RAB37: variants seen among roughly 807,000 people sequenced by gnomAD.
RAB37 encodes the protein RAB37, member RAS oncogene family, also known as ras-related protein Rab-37.
RAB37 carries 29 observed loss-of-function variants against 33.1 expected under a neutral mutation model. The ratio of observed to expected loss-of-function variants is 0.88; its 90% CI spans 0.65 to 1.20. The LOEUF is 1.20. Among genes scored for constraint, RAB37 ranks in the 50% most tolerant of loss-of-function variants. The probability of loss-of-function intolerance (pLI) is 0.00; values close to 1 mark genes in which losing one functional copy is unlikely to be tolerated. For missense variants in RAB37, 299 were observed against 301.1 expected (o/e 0.99, Z 0.05); for synonymous variants, 128 against 119.5 (o/e 1.07, Z -0.47).
chr17:74,711,847 T>C (rs2033985151), intron 1 of RAB37, among the ~76,000 whole-genome samples: 1 of 152,162 alleles, frequency 6.6e-6, no homozygotes, highest in South Asian at 2.1e-4. Context: ...TACTTATCAC[T>C]TCTCACTTCT....
chr17:74,707,878 GA>G (rs1034971912), intron 1 of RAB37, among the ~76,000 whole-genome samples: 2 of 151,944 alleles, frequency 1.3e-5, no homozygotes, highest in African/African-American at 4.8e-5. Context: ...CAAATTCCTA[GA>G]AAAAAATTAT....
In RAB37 at chr17:74,671,512, G is replaced by T. The variant is rs1839377778; in HGVS notation, c.-75G>T. 3 of 1,427,058 alleles carry T rather than the reference G, an allele frequency of 2.1e-6. No homozygotes were observed. Among genetic ancestry groups the T allele is most frequent in the South Asian group, 2.3e-5 (2 of 86,802 alleles). 88.4% of individuals were successfully genotyped at this position (1,427,058 alleles called of 1,614,324 possible). ...CAGACCCAAGCCTGCCGCACCCAGCGGAGCTCGAACCGAGCTCCTGGAAGC... is the reference window on the plus strand; with the variant it reads ...CAGACCCAAGCCTGCCGCACCCAGCTGAGCTCGAACCGAGCTCCTGGAAGC... On this transcript the variant is annotated 5_prime_UTR_variant, in exon 1 of 8. Coordinates refer to the RAB37 transcript ENST00000340415. This position sits in a 1 kb window ranked among gnomAD's most constrained non-coding sequence, Gnocchi z 5.0.
intron 1 of RAB37, among the ~76,000 whole-genome samples, chr17:74,679,799 G>A (rs2031915251): frequency 6.6e-6 from 1 of 151,992 alleles, no homozygotes; most frequent in African/African-American, 2.4e-5. Context: ...CCAACATGGT[G>A]AAACCCTGTC....
intron 1 of RAB37, among the ~76,000 whole-genome samples, chr17:74,716,297 T>A (rs2034164360): frequency 6.6e-6 from 1 of 152,152 alleles, no homozygotes. Flanking sequence ...TGTATGTATG[T>A]GTGTGTGTGC....
intron 1 of RAB37, among the ~76,000 whole-genome samples, chr17:74,723,412 C>T (rs1218148491): frequency 2.7e-5 from 4 of 146,916 alleles, no homozygotes; most frequent in African/African-American, 1.0e-4. Context: ...TCTTGAACTG[C>T]CTTCTCGTAC....
At chr17:74,735,041 G>GAA (rs1232996669), upstream of RAB37, among the ~76,000 whole-genome samples, 1 of 133,282 alleles carries the variant, frequency 7.5e-6, no homozygotes, top group African/African-American at 2.8e-5. Context: ...AAGAAAGAAA[G>GAA]AAAGAAAGAA....
chr17:74,697,035 G>T (rs898958355), intron 1 of RAB37, among the ~76,000 whole-genome samples: 3 of 152,122 alleles, frequency 2.0e-5, no homozygotes, highest in African/African-American at 7.2e-5. Flanking sequence ...TCCACCTCCT[G>T]GGTTCAAGCG....
chr17:74,677,408 T>TC (rs908555330), intron 1 of RAB37: 9 of 152,048 alleles, frequency 5.9e-5, no homozygotes, highest in African/African-American at 2.2e-4. Context: ...TATTTTTTTT[T>TC]CGATGAAACA....
At position 74,744,537 on chromosome 17, in the gene RAB37, G is replaced by GC; in HGVS notation, c.432+168dup. 1 of 687,312 alleles carries GC rather than the reference G, an allele frequency of 1.5e-6. No homozygotes were observed. The allele number at this position is 687,312 out of a possible 1,614,324, so 42.6% of individuals were successfully genotyped here. On this transcript the variant is annotated intron_variant, in intron 6 of 8. Coordinates refer to ENST00000392613, the MANE Select transcript of RAB37 (RefSeq NM_001006638.3). The surrounding 1 kb of genome is among the most constrained non-coding windows in gnomAD (Gnocchi z 4.2). The stretch of plus-strand genomic sequence containing the variant: ...CTGGAGGCTTCTGCCCATCCCATCT[G>GC]CCCCTTCCAGGGAAAGTCCAAGTTG...
chr17:74,742,239 CT>C lies in RAB37; in HGVS notation c.205-10del. 1 of 1,612,762 alleles carries C rather than the reference CT, an allele frequency of 6.2e-7. No homozygotes were observed. The stretch of plus-strand genomic sequence containing the variant: ...TGACTCCTGCCCTCCCATCCTCTGC[CT>C]TTTTCTCTTTCAGAACAAGGTGGTG... On this transcript the variant is annotated splice_polypyrimidine_tract_variant and intron_variant, in intron 2 of 8. Coordinates refer to ENST00000392613, the MANE Select transcript of RAB37 (RefSeq NM_001006638.3). This position sits in a 1 kb window ranked among gnomAD's most constrained non-coding sequence, Gnocchi z 4.0.
chr17:74,721,420 A>G (rs2034238193), intron 1 of RAB37, among the ~76,000 whole-genome samples: 1 of 149,298 alleles, frequency 6.7e-6, no homozygotes, highest in Admixed American at 6.7e-5. Flanking sequence ...CCTTATACAC[A>G]TATCTTGGTT....
chr17:74,689,770 G>A (rs2032125142), intron 1 of RAB37, among the ~76,000 whole-genome samples: 1 of 152,172 alleles, frequency 6.6e-6, no homozygotes, highest in Non-Finnish European at 1.5e-5. Context: ...TTTTCAAGAT[G>A]TCAAGCAAAG....
chr17:74,678,755 C>T (rs1378864824), intron 1 of RAB37, among the ~76,000 whole-genome samples: 3 of 152,096 alleles, frequency 2.0e-5, no homozygotes, highest in Non-Finnish European at 4.4e-5. Context: ...GAGCTGTGGG[C>T]AGGGCCAGTG....
intron 1 of RAB37, chr17:74,704,667 G>C: frequency 6.2e-7 from 1 of 1,614,152 alleles, no homozygotes; most frequent in Non-Finnish European, 8.5e-7. Flanking sequence ...GTTTTAACAA[G>C]GATCTTGCAG....
intron 1 of RAB37, among the ~76,000 whole-genome samples, chr17:74,690,223 G>A (rs981081606): frequency 2.6e-5 from 4 of 152,098 alleles, no homozygotes; most frequent in Non-Finnish European, 5.9e-5. Context: ...GCTTCCCAAA[G>A]TGCTGAGATT....
upstream of RAB37, among the ~76,000 whole-genome samples, chr17:74,733,483 G>GT (rs2034420059): frequency 1.2e-5 from 1 of 83,730 alleles, no homozygotes. Flanking sequence ...TGTGGTGTGA[G>GT]GTGTGTGGTG....
upstream of RAB37, chr17:74,736,892 G>T: frequency 6.7e-7 from 1 of 1,490,912 alleles, no homozygotes; most frequent in Non-Finnish European, 8.9e-7. Context: ...GGGCTCGGGC[G>T]CCGCCTGCTG....
chr17:74,745,533 C>T lies in RAB37; in HGVS notation c.*122C>T, dbSNP rs2034741119. The T allele has an allele frequency of 1.1e-5, 8 of 744,792 alleles. No individual in the cohort carries two copies. The highest frequency in any genetic ancestry group is 3.4e-5 in the South Asian group (2 of 59,656). 46.1% of individuals were successfully genotyped at this position (744,792 alleles called of 1,614,324 possible). A position where few individuals can be genotyped will look rare whatever the true frequency, so the allele number is the denominator to read the frequency against. Reference sequence around the variant, plus strand: ...AAAGATGGAGGACTCACTGCACAGCCGCTTCCTAGCAGGGAGCTATACTCC... The same window carrying T: ...AAAGATGGAGGACTCACTGCACAGCTGCTTCCTAGCAGGGAGCTATACTCC... On this transcript the variant is annotated 3_prime_UTR_variant, in exon 9 of 9. Coordinates refer to ENST00000392613, the MANE Select transcript of RAB37 (RefSeq NM_001006638.3). This position sits in a 1 kb window ranked among gnomAD's most constrained non-coding sequence, Gnocchi z 4.5.
intron 1 of RAB37, among the ~76,000 whole-genome samples, chr17:74,724,496 A>G (rs1049575819): frequency 6.6e-6 from 1 of 152,182 alleles, no homozygotes; most frequent in African/African-American, 2.4e-5. Context: ...CCTTTCACAT[A>G]TCTGTCTCAT....
Sources: gnomAD v4.1 joint callset for allele counts (sites outside exome capture counted in the v4.1 genomes callset) on GRCh38, gnomAD v4.1.1 for gene constraint, Gnocchi (gnomAD v3.1) non-coding constraint, MANE v1.5 for transcripts, NCBI Gene and HGNC (gene_info 2026-07-23, HGNC 2026-07-21) for gene names.